FHIT: variants seen among roughly 807,000 people sequenced by gnomAD.
FHIT encodes fragile histidine triad diadenosine triphosphatase, also known as bis(5'-adenosyl)-triphosphatase.
In FHIT, 19 loss-of-function variants were observed where a neutral mutation model predicts 17.9. The observed-to-expected ratio is 1.06, with a 90% CI of 0.74 to 1.56. The LOEUF (loss-of-function observed/expected upper bound fraction) is 1.56. Among genes scored for constraint, FHIT ranks in the 40% most tolerant of loss-of-function variants. The probability of loss-of-function intolerance (pLI) is 0.00; values close to 1 mark genes in which losing one functional copy is unlikely to be tolerated. For synonymous variants in FHIT, 81 were observed against 69.7 expected (o/e 1.16, Z -0.81); for missense variants, 248 against 189.2 (o/e 1.31, Z -1.82).
At chr3:60,658,984 G>A (rs1432416328) in intron 4 of FHIT, among the ~76,000 whole-genome samples, 2 of 148,514 alleles carry the variant, frequency 1.3e-5, no homozygotes, top group Non-Finnish European at 3.0e-5. Flanking sequence ...TTTAATATGA[G>A]AATGCCTTAA....
At chr3:59,968,280 G>A (rs924247735) in intron 7 of FHIT, among the ~76,000 whole-genome samples, 5 of 152,006 alleles carry the variant, frequency 3.3e-5, no homozygotes, top group Admixed American at 6.6e-5. Flanking sequence ...ATACAGTTTC[G>A]ATATGATTTC....
chr3:60,245,938 T>C (rs752354138), intron 5 of FHIT, among the ~76,000 whole-genome samples: 56 of 152,130 alleles, frequency 3.7e-4, no homozygotes, highest in Non-Finnish European at 6.2e-4. Context: ...AATAAATTCA[T>C]TTTTATACAA....
intron 5 of FHIT, among the ~76,000 whole-genome samples, chr3:60,278,442 C>G (rs989400658): frequency 6.6e-6 from 1 of 152,084 alleles, no homozygotes; most frequent in Non-Finnish European, 1.5e-5. Context: ...TTCAGAAGAT[C>G]GCAGCCTAGA....
At chr3:60,632,082 GTGT>G (rs370239842) in intron 4 of FHIT, among the ~76,000 whole-genome samples, 1,669 of 65,890 alleles carry the variant, frequency 0.025, 38 homozygotes, top group African/African-American at 0.067. Context: ...TGGGAAAGAA[GTGT>G]TTTTTTTTTG....
intron 4 of FHIT, among the ~76,000 whole-genome samples, chr3:60,757,578 T>C (rs1372709199): frequency 6.6e-6 from 1 of 152,014 alleles, no homozygotes; most frequent in Non-Finnish European, 1.5e-5. Context: ...TAAGAGCCGG[T>C]GAGGACACTG....
chr3:60,920,768 G>T (rs1707242071), intron 3 of FHIT, among the ~76,000 whole-genome samples: 1 of 152,004 alleles, frequency 6.6e-6, no homozygotes, highest in South Asian at 2.1e-4. Flanking sequence ...TTATCCCAAG[G>T]GTAATGAGAA....
chr3:60,994,961 G>C (rs1042328993), intron 3 of FHIT, among the ~76,000 whole-genome samples: 3 of 152,110 alleles, frequency 2.0e-5, no homozygotes, highest in African/African-American at 7.2e-5. Flanking sequence ...TAAATGTTTA[G>C]AAATTTTAAA....
At chr3:61,210,983 C>G (rs2039448124) in intron 1 of FHIT, among the ~76,000 whole-genome samples, 1 of 151,850 alleles carries the variant, frequency 6.6e-6, no homozygotes, top group African/African-American at 2.4e-5. Context: ...AACAAATTAT[C>G]CAAAAACTAG....
chr3:60,658,821 T>C (rs1408801303), intron 4 of FHIT, among the ~76,000 whole-genome samples: 1 of 152,066 alleles, frequency 6.6e-6, no homozygotes, highest in Non-Finnish European at 1.5e-5. Context: ...GCTTTTATAA[T>C]TGCCCACATT....
chr3:60,033,852 C>CAAGT (rs1162854731), intron 5 of FHIT, among the ~76,000 whole-genome samples: 9 of 152,150 alleles, frequency 5.9e-5, no homozygotes, highest in Admixed American at 4.6e-4. Flanking sequence ...TGTTAATTAG[C>CAAGT]AAGTATTAGC....
intron 8 of FHIT, among the ~76,000 whole-genome samples, chr3:59,785,856 T>G (rs543484615): frequency 2.0e-5 from 3 of 152,266 alleles, no homozygotes; most frequent in Admixed American, 6.5e-5. Flanking sequence ...CCTTGTAATC[T>G]CTCATGCAAT....
chr3:61,113,215 GC>G (rs377308947), intron 2 of FHIT, among the ~76,000 whole-genome samples: 5 of 151,702 alleles, frequency 3.3e-5, no homozygotes, highest in African/African-American at 9.7e-5. Flanking sequence ...TCACTGTGTT[GC>G]CCAGGCTGCT....
intron 2 of FHIT, among the ~76,000 whole-genome samples, chr3:61,044,356 T>C (rs1262708788): frequency 6.6e-6 from 1 of 152,132 alleles, no homozygotes; most frequent in South Asian, 2.1e-4. Flanking sequence ...CGGTAGCCAA[T>C]TCGATCAAGT....
At chr3:59,851,019 A>C (rs1321119305) in intron 8 of FHIT, among the ~76,000 whole-genome samples, 11 of 152,188 alleles carry the variant, frequency 7.2e-5, no homozygotes, top group Non-Finnish European at 1.3e-4. Flanking sequence ...AACAAAAATC[A>C]ATGAAAAGAG....
chr3:61,250,646 T>C (rs935200804), intron 1 of FHIT, among the ~76,000 whole-genome samples: 7 of 151,722 alleles, frequency 4.6e-5, no homozygotes, highest in Non-Finnish European at 7.4e-5. Flanking sequence ...CCTGCCTCCT[T>C]ACCCCCCACC....
At chr3:60,485,550 G>C (rs1456354064) in intron 5 of FHIT, among the ~76,000 whole-genome samples, 2 of 151,584 alleles carry the variant, frequency 1.3e-5, no homozygotes, top group South Asian at 4.2e-4. Flanking sequence ...AACTAACAAA[G>C]AACAGAAAAC....
chr3:60,545,621 T>C (rs1029998841), intron 4 of FHIT, among the ~76,000 whole-genome samples: 15 of 152,222 alleles, frequency 9.9e-5, no homozygotes, highest in African/African-American at 3.4e-4. Flanking sequence ...GGTTATTTCA[T>C]AGTATGTCTT....
At chr3:59,867,039 A>T (rs1345212642) in intron 8 of FHIT, among the ~76,000 whole-genome samples, 2 of 150,562 alleles carry the variant, frequency 1.3e-5, no homozygotes, top group Non-Finnish European at 2.9e-5. Flanking sequence ...ATTAACAGGG[A>T]TTGCATCACC....
chr3:61,018,654 T>C (rs1034422938), intron 3 of FHIT, among the ~76,000 whole-genome samples: 1 of 152,184 alleles, frequency 6.6e-6, no homozygotes, highest in African/African-American at 2.4e-5. Context: ...TGAGATAAAA[T>C]GGAATAGAAT....
Sources: allele counts gnomAD v4.1 joint callset (sites outside exome capture counted in the v4.1 genomes callset), GRCh38; gene constraint gnomAD v4.1.1; transcripts MANE v1.5; gene names NCBI Gene and HGNC (gene_info 2026-07-23, HGNC 2026-07-21).